TFDP2: variants seen among roughly 807,000 people sequenced by gnomAD.
TFDP2 encodes transcription factor Dp-2, also known as transcription factor Dp-2 (E2F dimerization partner 2).
TFDP2 carries 17 observed loss-of-function variants against 59.3 expected under a neutral mutation model. That is an observed-to-expected ratio of 0.29 (90% CI 0.20 to 0.43). The LOEUF is 0.43. Among genes scored for constraint, TFDP2 ranks in the 20% least tolerant of loss-of-function variants. The pLI, the probability that TFDP2 is intolerant of heterozygous loss-of-function variation, is 1.00. For synonymous variants in TFDP2, 180 were observed against 194.7 expected (o/e 0.92, Z 0.63); for missense variants, 391 against 528.8 (o/e 0.74, Z 2.56).
At chr3:142,111,686 G>A (rs180754890) in intron 1 of TFDP2, among the ~76,000 whole-genome samples, 5 of 152,234 alleles carry the variant, frequency 3.3e-5, no homozygotes, top group African/African-American at 9.6e-5. Flanking sequence ...CTAATAATAC[G>A]TGCCGAAAAA....
chr3:141,970,237 A>G, intron 8 of TFDP2, 96 bp from the exon 9 acceptor site: 1 of 1,181,484 alleles, frequency 8.5e-7, no homozygotes, highest in East Asian at 2.4e-5. Context: ...AATTTTCCCT[A>G]GAGAAACTGA....
intron 1 of TFDP2, among the ~76,000 whole-genome samples, chr3:142,136,040 A>G (rs2062722345): frequency 6.6e-6 from 1 of 151,930 alleles, no homozygotes; most frequent in Non-Finnish European, 1.5e-5. Flanking sequence ...AAGCATTCCT[A>G]TTTCTCCACA....
chr3:142,079,230 G>T (rs2108575708), intron 3 of TFDP2, among the ~76,000 whole-genome samples: 2 of 152,210 alleles, frequency 1.3e-5, no homozygotes, highest in Middle Eastern at 3.4e-3. Context: ...TTGAACCCGG[G>T]AGGCAGAGGT....
chr3:142,043,946 C>CTG lies in TFDP2; in HGVS notation c.83-38404_83-38403dup. The stretch of plus-strand genomic sequence containing the variant: ...ACCTTCTCTGGCATTCGCGCATTGG[C>CTG]TGTACCCTTCCGCTTACCTATGCCA... On this transcript the variant is annotated intron_variant, in intron 3 of 12. Transcript: ENST00000489671. 3.8e-6 allele frequency: 3 copies of CTG among 783,068 alleles called. No individual in the cohort carries two copies. The East Asian group carries it at 7.4e-5, about 19-fold the overall frequency. 48.5% of individuals were successfully genotyped at this position (783,068 alleles called of 1,614,324 possible).
At chr3:142,136,287 GA>G (rs1337370123) in intron 1 of TFDP2, among the ~76,000 whole-genome samples, 3 of 151,812 alleles carry the variant, frequency 2.0e-5, no homozygotes, top group Non-Finnish European at 4.4e-5. Flanking sequence ...GCTCTTTTTA[GA>G]TTCTGGATAT....
chr3:141,990,731 T>C (rs1278686965), intron 6 of TFDP2, among the ~76,000 whole-genome samples: 1 of 152,180 alleles, frequency 6.6e-6, no homozygotes, highest in Non-Finnish European at 1.5e-5. Context: ...ATAAACCTTA[T>C]ATATTTAAGA....
intron 3 of TFDP2, among the ~76,000 whole-genome samples, chr3:142,013,727 C>G (rs530134832): frequency 1.3e-5 from 2 of 152,210 alleles, no homozygotes; most frequent in Non-Finnish European, 2.9e-5. Flanking sequence ...TATTGAGTAA[C>G]TGAAATATTT....
intron 1 of TFDP2, among the ~76,000 whole-genome samples, chr3:142,141,754 C>T (rs1229980564): frequency 6.6e-6 from 1 of 151,206 alleles, no homozygotes; most frequent in Non-Finnish European, 1.5e-5. Context: ...ACCCGGGAGT[C>T]GGAGGTTGCA....
At chr3:142,018,267 A>T (rs1365604892) in intron 3 of TFDP2, among the ~76,000 whole-genome samples, 1 of 152,088 alleles carries the variant, frequency 6.6e-6, no homozygotes, top group Non-Finnish European at 1.5e-5. Context: ...TATTAGCTAC[A>T]TAGTATTCCC....
chr3:141,989,859 A>G (rs1026228139), intron 6 of TFDP2, among the ~76,000 whole-genome samples: 1 of 148,912 alleles, frequency 6.7e-6, no homozygotes, highest in Non-Finnish European at 1.5e-5. Context: ...TTTTTACAGC[A>G]CTTTTACAGA....
intron 3 of TFDP2, among the ~76,000 whole-genome samples, chr3:142,076,875 A>G (rs536915412): frequency 1.3e-5 from 2 of 152,356 alleles, no homozygotes; most frequent in South Asian, 2.1e-4. Flanking sequence ...AAGTACGTTC[A>G]TAAGAACCAA....
chr3:142,038,165 A>C (rs1031204595), intron 3 of TFDP2, among the ~76,000 whole-genome samples: 1 of 152,154 alleles, frequency 6.6e-6, no homozygotes, highest in Non-Finnish European at 1.5e-5. Context: ...CAGGTGGATC[A>C]TGAGGTCAGG....
intron 3 of TFDP2, among the ~76,000 whole-genome samples, chr3:142,090,295 T>C (rs1434880866): frequency 3.3e-5 from 5 of 152,152 alleles, no homozygotes; most frequent in African/African-American, 1.2e-4. Flanking sequence ...AACACATGCA[T>C]ATAGCTATTT....
Position 142,063,728 on chromosome 3 carries a change from G to C in TFDP2, c.82+29333C>G, listed in dbSNP as rs192010364. Among the ~76,000 whole-genome samples, 28 of 152,244 alleles carry C rather than the reference G, an allele frequency of 1.8e-4. No homozygotes were observed. The East Asian group carries it at 5.2e-3, about 28-fold the overall frequency. ...TTACTAGTCTTTTATTTTAGACAGT[G>C]CTCCTTAGTTGGTGAAGCCTCTCAA... On this transcript the variant is annotated intron_variant, in intron 3 of 12. Coordinates refer to ENST00000489671, the MANE Select transcript of TFDP2 (RefSeq NM_001178139.2).
chr3:141,960,168 C>T (rs1937183918), intron 10 of TFDP2, among the ~76,000 whole-genome samples: 1 of 152,142 alleles, frequency 6.6e-6, no homozygotes, highest in Non-Finnish European at 1.5e-5. Context: ...AAAAGAAAAG[C>T]CTTTCTACTT....
At chr3:142,056,089 G>C (rs1411249808) in intron 3 of TFDP2, among the ~76,000 whole-genome samples, 5 of 151,220 alleles carry the variant, frequency 3.3e-5, no homozygotes, top group Non-Finnish European at 7.4e-5. Flanking sequence ...GAGTAGCTGG[G>C]ATTACAGGTA....
intron 3 of TFDP2, among the ~76,000 whole-genome samples, chr3:142,073,020 A>C (rs2060298998): frequency 6.6e-6 from 1 of 152,196 alleles, no homozygotes; most frequent in Non-Finnish European, 1.5e-5. Flanking sequence ...AACCTGACAA[A>C]AGCGACATCG....
intron 2 of TFDP2, among the ~76,000 whole-genome samples, chr3:142,094,773 C>T (rs2061109720): frequency 6.6e-6 from 1 of 152,114 alleles, no homozygotes; most frequent in African/African-American, 2.4e-5. Flanking sequence ...ATATCCATTA[C>T]CTCTATATAG....
chr3:141,976,998 A>T (rs1940736384), intron 7 of TFDP2, among the ~76,000 whole-genome samples: 1 of 151,468 alleles, frequency 6.6e-6, no homozygotes, highest in Admixed American at 6.6e-5. Context: ...CAAAGAACAA[A>T]TTAAAACCAA....
Sources: allele counts gnomAD v4.1 joint callset (sites outside exome capture counted in the v4.1 genomes callset), GRCh38; gene constraint gnomAD v4.1.1; transcripts MANE v1.5; gene names NCBI Gene and HGNC (gene_info 2026-07-23, HGNC 2026-07-21).